Variants in ANO6 observed in about 807,000 individuals in gnomAD.
ANO6 encodes the protein anoctamin 6.
Under a neutral mutation model 117.5 loss-of-function variants are expected in ANO6, and 106 were observed. That is an observed-to-expected ratio of 0.90 (90% CI 0.77 to 1.06). The LOEUF is 1.06. ANO6 is among the 50% of genes least tolerant of loss of function. The pLI, the probability that ANO6 is intolerant of heterozygous loss-of-function variation, is 0.00. For synonymous variants in ANO6, 367 were observed against 385.1 expected (o/e 0.95, Z 0.55); for missense variants, 955 against 1,121.1 (o/e 0.85, Z 2.12).
chr12:45,294,078 C>A (rs756907236), intron 1 of ANO6, among the ~76,000 whole-genome samples: 1 of 152,000 alleles, frequency 6.6e-6, no homozygotes, highest in African/African-American at 2.4e-5. Flanking sequence ...TGGGAATGTG[C>A]ATTCCAGGTA....
intron 1 of ANO6, among the ~76,000 whole-genome samples, chr12:45,225,886 T>C (rs1185089558): frequency 6.6e-6 from 1 of 152,244 alleles, no homozygotes; most frequent in Non-Finnish European, 1.5e-5. Context: ...ACAGAAAATA[T>C]TTCCAATTAC....
intron 1 of ANO6, chr12:45,256,500 T>A (rs1475282592): frequency 2.0e-5 from 3 of 151,492 alleles, no homozygotes; most frequent in Non-Finnish European, 4.4e-5. Context: ...ACAAGCAAAT[T>A]TGATTTCTAG....
chr12:45,228,290 C>CTT, intron 1 of ANO6: 1 of 253,522 alleles, frequency 3.9e-6, no homozygotes, highest in Non-Finnish European at 7.4e-6. Context: ...ACCAGGCCCT[C>CTT]CTTTTTTTTT....
At position 45,431,290 on chromosome 12, in the gene ANO6, A is replaced by C. The variant is rs1943626386; in HGVS notation, c.*1979A>C. ...CACTGTTCCTCTCTTCACTCCTGAG[A>C]TACTGCTTCTGGAAGCGGGTGTCAC... On this transcript the variant is annotated 3_prime_UTR_variant, in exon 20 of 20. Transcript: ENST00000320560. 1.0e-6 allele frequency: 1 copy of C among 985,256 alleles called. No homozygotes were observed. Among genetic ancestry groups the C allele is most frequent in the Non-Finnish European group, 1.2e-6 (1 of 829,934 alleles). 61.0% of individuals were successfully genotyped at this position (985,256 alleles called of 1,614,324 possible).
Position 45,333,084 on chromosome 12 carries a change from A to G in ANO6, c.279+1661A>G, listed in dbSNP as rs74427527. 6.7e-3 allele frequency among the ~76,000 whole-genome samples: 1,024 copies of G among 152,140 alleles called. 10 individuals carry two copies. Among genetic ancestry groups the G allele is most frequent in the African/African-American group, 0.023 (952 of 41,534 alleles). On this transcript the variant is annotated intron_variant, in intron 3 of 19. Transcript: ENST00000320560. ...AAAATATTGGCTCACCATACAATCA[A>G]TGGCATCTTAGATTCAGGGAAATTG...
intron 9 of ANO6, among the ~76,000 whole-genome samples, chr12:45,368,590 T>G (rs1392433856): frequency 6.6e-6 from 1 of 152,166 alleles, no homozygotes; most frequent in Non-Finnish European, 1.5e-5. Context: ...GCATGAAGAA[T>G]GGAGGGAGCT....
At position 45,271,183 on chromosome 12, in the gene ANO6, C is replaced by T. The variant is rs150788782; in HGVS notation, c.71-30831C>T. Among the ~76,000 whole-genome samples, 282 of 152,238 alleles carry T rather than the reference C, an allele frequency of 1.9e-3. 1 individual carries two copies. Among genetic ancestry groups the T allele is most frequent in the African/African-American group, 6.2e-3 (259 of 41,552 alleles). On this transcript the variant is annotated intron_variant, in intron 1 of 19. Coordinates refer to ENST00000320560, the MANE Select transcript of ANO6 (RefSeq NM_001025356.3). ...ATAATGAAAACAAGATTTCAGTGAC[C>T]TTACATGTTACTCAAGCTATGTACA...
intron 5 of ANO6, 55 bp from the exon 6 acceptor site, chr12:45,348,463 T>C (rs1188991572): frequency 2.6e-6 from 4 of 1,537,106 alleles, no homozygotes; most frequent in Admixed American, 1.7e-5. Context: ...AAACAATGAT[T>C]GGATTGGTTA....
rs1943584382 is a variant in ANO6, at chr12:45,429,469, C to G, written c.*158C>G. The G allele has an allele frequency of 1.4e-6, 2 of 1,457,160 alleles. No individual in the cohort carries two copies. Among genetic ancestry groups the G allele is most frequent in the Non-Finnish European group, 1.8e-6 (2 of 1,111,082 alleles). The allele number at this position is 1,457,160 out of a possible 1,614,324, so 90.3% of individuals were successfully genotyped here. ...TATTTTTCAGTTTCAGCTAGCGATG[C>G]AGAAACTGGAAAATGTAAAACTTAG... On this transcript the variant is annotated 3_prime_UTR_variant, in exon 20 of 20. Coordinates refer to ENST00000320560, the MANE Select transcript of ANO6 (RefSeq NM_001025356.3).
At chr12:45,249,028 G>A (rs1947865374) in intron 1 of ANO6, among the ~76,000 whole-genome samples, 1 of 152,170 alleles carries the variant, frequency 6.6e-6, no homozygotes, top group Admixed American at 6.5e-5. Flanking sequence ...AGACTCTCTG[G>A]TCCTCAGGTT....
At position 45,348,602 on chromosome 12, in the gene ANO6, A is replaced by C; in HGVS notation, c.718A>C (p.Ile240Leu). The C allele has an allele frequency of 6.2e-7, 1 of 1,613,948 alleles. No individual in the cohort carries two copies. Among genetic ancestry groups the C allele is most frequent in the South Asian group, 1.1e-5 (1 of 91,076 alleles). Residue 240 changes from isoleucine to leucine, a missense_variant, in exon 6 of 20, where the codon ATC (isoleucine) becomes CTC (leucine). Physicochemically the swap from Ile to Leu is conservative, Grantham distance 5 (BLOSUM62 2). Transcript: ENST00000320560. ...FGINRLVNSG[I>L]YKAAFPLHDC... ...GATCAACAGACTTGTAAACTCTGGG[A>C]TCTACAAGGCAGCTTTCCCACTCCA...
At chr12:45,290,596 G>A (rs1013536856) in intron 1 of ANO6, among the ~76,000 whole-genome samples, 4 of 152,158 alleles carry the variant, frequency 2.6e-5, no homozygotes, top group Admixed American at 1.3e-4. Flanking sequence ...AGTGTTCCAA[G>A]ATGTTATTGG....
intron 7 of ANO6, 28 bp from the exon 8 acceptor site, chr12:45,357,262 T>G: frequency 6.2e-7 from 1 of 1,610,624 alleles, no homozygotes; most frequent in Non-Finnish European, 8.5e-7. Context: ...ATTTGCATCT[T>G]CTAAAAATAA....
chr12:45,216,213 C>T lies in ANO6; in HGVS notation c.-109C>T. 2 of 1,307,144 alleles carry T rather than the reference C, an allele frequency of 1.5e-6. No individual in the cohort carries two copies. Among genetic ancestry groups the T allele is most frequent in the South Asian group, 2.6e-5 (2 of 78,106 alleles). The allele number at this position is 1,307,144 out of a possible 1,614,324, so 81.0% of individuals were successfully genotyped here. ...GGGCTCAGCGGCCCCTGAGCCCAAG[C>T]GACACACGCCCCGCGGTCCCCGATC... is the stretch of plus-strand genomic sequence containing the variant. On this transcript the variant is annotated 5_prime_UTR_variant, in exon 1 of 20. Coordinates refer to ENST00000320560, the MANE Select transcript of ANO6 (RefSeq NM_001025356.3).
intron 2 of ANO6, among the ~76,000 whole-genome samples, chr12:45,318,724 A>G (rs1320813338): frequency 1.3e-5 from 2 of 152,016 alleles, no homozygotes; most frequent in Non-Finnish European, 2.9e-5. Context: ...CAGTATGGCC[A>G]TTTTCATGAT....
chr12:45,333,159 CAT>C (rs1446186375), intron 3 of ANO6, among the ~76,000 whole-genome samples: 3 of 151,828 alleles, frequency 2.0e-5, no homozygotes, highest in African/African-American at 7.3e-5. Flanking sequence ...AATAAAATAA[CAT>C]ATAGATGTTA....
At chr12:45,437,815 C>T (rs73283357) in intron 19 of ANO6, among the ~76,000 whole-genome samples, 1,987 of 152,172 alleles carry the variant, frequency 0.013, 37 homozygotes, top group African/African-American at 0.046. Flanking sequence ...GACAATCCAC[C>T]CACCTTGCCT....
chr12:45,339,632 G>C (rs1384095761), intron 3 of ANO6, among the ~76,000 whole-genome samples: 1 of 152,038 alleles, frequency 6.6e-6, no homozygotes, highest in Non-Finnish European at 1.5e-5. Context: ...TTCCTCATCA[G>C]ATCAGTCCAC....
chr12:45,439,777 G>T lies in ANO6; in HGVS notation c.2629G>T (p.Glu877Ter). The T allele has an allele frequency of 6.5e-7, 1 of 1,548,396 alleles. No homozygotes were observed. Among genetic ancestry groups the T allele is most frequent in the Non-Finnish European group, 8.7e-7 (1 of 1,145,854 alleles). Residue 877 changes from glutamate to a stop codon, truncating the protein, a stop_gained, in exon 20 of 20, where the codon GAA (glutamate) becomes TAA (stop). Transcript: ENST00000425752. LOFTEE classifies it low-confidence loss of function (END_TRUNC). ...CTGTATGTGTTATAGGTTTGTCGAT[G>T]AAATTAGACTTTTGGAACAACTAAC... is the stretch of plus-strand genomic sequence containing the variant.
Sources: allele counts gnomAD v4.1 joint callset (sites outside exome capture counted in the v4.1 genomes callset), GRCh38; gene constraint gnomAD v4.1.1; transcripts MANE v1.5; gene names NCBI Gene and HGNC (gene_info 2026-07-23, HGNC 2026-07-21).